Variants in TMEM71 observed in about 807,000 individuals in gnomAD.
TMEM71 encodes the protein transmembrane protein 71.
A neutral mutation model predicts 38.0 loss-of-function variants in TMEM71; 44 were observed. That is an observed-to-expected ratio of 1.16 (90% CI 0.91 to 1.49). The LOEUF is 1.49. TMEM71 is among the 40% of genes most tolerant of loss of function. The pLI is 0.00. For missense variants in TMEM71, 367 were observed against 348.6 expected, an observed-to-expected ratio of 1.05 and a Z score of -0.42; for synonymous variants, 133 against 122.5, an observed-to-expected ratio of 1.09 and a Z score of -0.56.
chr8:132,760,184 T>C (rs1250389149), intron 1 of TMEM71: 1 of 82,030 alleles, frequency 1.2e-5, no homozygotes, highest in Admixed American at 1.4e-4. Context: ...TTAGTAACAG[T>C]AGGAAAAAAA....
At chr8:132,716,959 T>C (rs566500954) in intron 7 of TMEM71, among the ~76,000 whole-genome samples, 101 of 152,330 alleles carry the variant, frequency 6.6e-4, no homozygotes, top group African/African-American at 2.4e-3. Context: ...GGACCCAAAA[T>C]AGCTAAAACA....
chr8:132,750,109 C>T (rs1362402977), intron 4 of TMEM71, among the ~76,000 whole-genome samples: 2 of 151,958 alleles, frequency 1.3e-5, no homozygotes, highest in Non-Finnish European at 2.9e-5. Context: ...AGGTTACTAC[C>T]TATACCATCT....
At chr8:132,771,177 A>G in the TMEM71 span, among the ~76,000 whole-genome samples, 1 of 152,224 alleles carries the variant, frequency 6.6e-6, no homozygotes, top group East Asian at 1.9e-4. Context: ...ATTTCTCATG[A>G]TTATTTCTTC....
Position 132,721,002 on chromosome 8 carries a change from A to G in TMEM71, c.752+1038T>C, listed in dbSNP as rs556603905. ...TCAGGGGGTAATAAGTGCTCAAAAG[A>G]AAAGTAAAGCAAGGTGCATGCGACA... is the stretch of plus-strand genomic sequence containing the variant. On this transcript the variant is annotated intron_variant, in intron 7 of 9. Transcript: ENST00000677595. Among the ~76,000 whole-genome samples the G allele has an allele frequency of 7.9e-5, 12 of 152,366 alleles. No homozygotes were observed. In the South Asian group the frequency reaches 2.5e-3, roughly 32 times the overall value.
At chr8:132,763,075 T>G (rs1829323094), upstream of TMEM71, among the ~76,000 whole-genome samples, 1 of 152,192 alleles carries the variant, frequency 6.6e-6, no homozygotes, top group South Asian at 2.1e-4. Context: ...TCTTTGAGGT[T>G]AGTGTTCCCT....
At chr8:132,758,042 A>T (rs754536765) in intron 2 of TMEM71, 6 of 152,180 alleles carry the variant, frequency 3.9e-5, no homozygotes, top group Non-Finnish European at 7.3e-5. Context: ...GCATATTAAG[A>T]CACTTCTACT....
chr8:132,765,420 G>A (rs1390837209), upstream of TMEM71, among the ~76,000 whole-genome samples: 1 of 152,168 alleles, frequency 6.6e-6, no homozygotes, highest in Non-Finnish European at 1.5e-5. Context: ...GTGTGGCTCT[G>A]CAGAAAGAAT....
chr8:132,751,681 A>G (rs1828716542), intron 4 of TMEM71, 104 bp downstream of exon 4: 1 of 1,121,942 alleles, frequency 8.9e-7, no homozygotes, highest in East Asian at 2.4e-5. Context: ...GTCTGGAGCA[A>G]TAATGGGCTC....
At chr8:132,728,059 G>T in intron 5 of TMEM71, 73 bp from the exon 6 acceptor site, 2 of 1,137,044 alleles carry the variant, frequency 1.8e-6, no homozygotes, top group Non-Finnish European at 2.5e-6. Context: ...TTCAGTGACT[G>T]CTCAATGCAC....
At chr8:132,733,766 G>A (rs947374189) in intron 5 of TMEM71, among the ~76,000 whole-genome samples, 6 of 152,148 alleles carry the variant, frequency 3.9e-5, no homozygotes, top group African/African-American at 1.2e-4. Flanking sequence ...TCCTTCCACA[G>A]ATGAGTGGAT....
chr8:132,759,025 T>A, intron 1 of TMEM71, 110 bp from the exon 2 acceptor site: 2 of 660,178 alleles, frequency 3.0e-6, no homozygotes, highest in South Asian at 3.6e-5. Flanking sequence ...ACTGAAATAA[T>A]ACAGAGATAC....
the TMEM71 span, among the ~76,000 whole-genome samples, chr8:132,767,992 G>C: frequency 0.018 from 2,727 of 152,260 alleles, 78 homozygotes; most frequent in African/African-American, 0.061. Flanking sequence ...ACGTAATATG[G>C]GGGTAGGGAT....
At chr8:132,730,008 G>A (rs1303901264) in intron 5 of TMEM71, among the ~76,000 whole-genome samples, 1 of 151,832 alleles carries the variant, frequency 6.6e-6, no homozygotes, top group African/African-American at 2.4e-5. Context: ...GCCCAGGCTG[G>A]AGTGCAATGG....
At chr8:132,750,111 A>G (rs989494043) in intron 4 of TMEM71, among the ~76,000 whole-genome samples, 5 of 152,218 alleles carry the variant, frequency 3.3e-5, no homozygotes, top group African/African-American at 1.2e-4. Context: ...GTTACTACCT[A>G]TACCATCTTA....
the TMEM71 span, among the ~76,000 whole-genome samples, chr8:132,771,181 T>C: frequency 6.6e-6 from 1 of 152,236 alleles, no homozygotes; most frequent in Non-Finnish European, 1.5e-5. Context: ...CTCATGATTA[T>C]TTCTTCCTGC....
intron 7 of TMEM71, among the ~76,000 whole-genome samples, chr8:132,714,888 A>C (rs10089874): frequency 0.15 from 23,167 of 152,174 alleles, 2,090 homozygotes; most frequent in East Asian, 0.3. Context: ...AACCCACTTG[A>C]AAAAATGAGC....
the TMEM71 span, among the ~76,000 whole-genome samples, chr8:132,766,373 T>C: frequency 0.011 from 1,334 of 126,488 alleles, 43 homozygotes; most frequent in East Asian, 0.1. Flanking sequence ...AGTCATAGGG[T>C]GATGGGTAGA....
chr8:132,710,574 G>T lies in TMEM71; in HGVS notation c.*393C>A. On this transcript the variant is annotated 3_prime_UTR_variant, in exon 10 of 10. Coordinates refer to ENST00000677595, the MANE Select transcript of TMEM71 (RefSeq NM_001382403.1). Reference sequence around the variant, plus strand: ...ATTCTATTAAAGCAATTCAGCAAGAGATAGGTGCATGTGGCAGACCCAGAA... The same window carrying T: ...ATTCTATTAAAGCAATTCAGCAAGATATAGGTGCATGTGGCAGACCCAGAA... The T allele has an allele frequency of 2.4e-6, 1 of 418,288 alleles. No homozygotes were observed. The highest frequency in any genetic ancestry group is 4.2e-6 in the Non-Finnish European group (1 of 238,942). The allele number at this position is 418,288 out of a possible 1,614,324, so 25.9% of individuals were successfully genotyped here.
Position 132,710,968 on chromosome 8 carries a change from C to T in TMEM71, c.887G>A (p.Ter296=). ...TTACARFVKI[*] ...ATCGAAGGCATTCCTAAATGGTTGTCAAATTTTGACAAACCTAGATTGGAG... is the reference window on the plus strand; with the variant it reads ...ATCGAAGGCATTCCTAAATGGTTGTTAAATTTTGACAAACCTAGATTGGAG... The change falls in exon 10 of 10, where the codon TGA becomes TAA. Residue 296 remains the stop codon, a stop_retained_variant. Coordinates refer to ENST00000677595, the MANE Select transcript of TMEM71 (RefSeq NM_001382403.1). 6.2e-7 allele frequency: 1 copy of T among 1,605,896 alleles called. No individual in the cohort carries two copies. The highest frequency in any genetic ancestry group is 8.5e-7 in the Non-Finnish European group (1 of 1,177,618).
Sources: gnomAD v4.1 joint callset for allele counts (sites outside exome capture counted in the v4.1 genomes callset) on GRCh38, gnomAD v4.1.1 for gene constraint, MANE v1.5 for transcripts, NCBI Gene and HGNC (gene_info 2026-07-23, HGNC 2026-07-21) for gene names.